Variants in BCR observed in about 807,000 individuals in gnomAD.
BCR encodes BCR activator of RhoGEF and GTPase.
Under a neutral mutation model 138.6 loss-of-function variants are expected in BCR, and 58 were observed. That is an observed-to-expected ratio of 0.42 (90% CI 0.34 to 0.52). BCR has a LOEUF of 0.52. BCR is among the 20% of genes least tolerant of loss of function. BCR has a pLI of 0.06. For missense variants in BCR, 1,599 were observed against 1,727.2 expected, an observed-to-expected ratio of 0.93 and a Z score of 1.32; for synonymous variants, 786 against 730.1, an observed-to-expected ratio of 1.08 and a Z score of -1.23.
intron 1 of BCR, among the ~76,000 whole-genome samples, chr22:23,225,602 T>C (rs1388897418): frequency 6.6e-6 from 1 of 152,200 alleles, no homozygotes; most frequent in African/African-American, 2.4e-5. Context: ...CCAGGGCTTG[T>C]TTCTCACCCT....
At chr22:23,289,827 C>T (rs2073763808) in intron 13 of BCR, 2 of 589,864 alleles carry the variant, frequency 3.4e-6, no homozygotes, top group Non-Finnish European at 3.0e-6. Context: ...GTGGCTGCTG[C>T]TGGGTGGTTG....
At chr22:23,224,073 A>G (rs542695458) in intron 1 of BCR, among the ~76,000 whole-genome samples, 10 of 152,138 alleles carry the variant, frequency 6.6e-5, no homozygotes, top group Non-Finnish European at 1.5e-4. Context: ...TGGTGCTGAA[A>G]TGGCAGAGAC....
chr22:23,313,999 C>T lies in BCR; in HGVS notation c.3489C>T (p.Cys1163=), dbSNP rs1460667406. The stretch of plus-strand genomic sequence containing the variant: ...CAGACCCGGTTGCAAAGGAGAGCTG[C>T]ATGCTCAACCTGCTGCTGTCCCTGC... ...ALSDPVAKES[C]MLNLLLSLPE... is the part of the protein sequence containing the mutation. Residue 1163 remains cysteine, a synonymous_variant, in exon 21 of 23, where the codon TGC becomes TGT. Coordinates refer to ENST00000305877, the MANE Select transcript of BCR (RefSeq NM_004327.4). 2.5e-6 allele frequency: 4 copies of T among 1,614,042 alleles called. No individual in the cohort carries two copies. Among genetic ancestry groups the T allele is most frequent in the Admixed American group, 1.7e-5 (1 of 60,020 alleles).
At chr22:23,287,524 G>A (rs1480506145) in intron 11 of BCR, among the ~76,000 whole-genome samples, 2 of 152,236 alleles carry the variant, frequency 1.3e-5, no homozygotes, top group African/African-American at 2.4e-5. Context: ...TAGGGCAGGG[G>A]AGCCTAGCAG....
intron 1 of BCR, among the ~76,000 whole-genome samples, chr22:23,192,240 A>G (rs1244805494): frequency 6.6e-6 from 1 of 151,502 alleles, no homozygotes; most frequent in African/African-American, 2.5e-5. Context: ...AGGGGGTATG[A>G]GACACTCTGG....
intron 10 of BCR, among the ~76,000 whole-genome samples, chr22:23,285,990 AGT>A (rs1053592578): frequency 2.4e-4 from 37 of 152,282 alleles, no homozygotes; most frequent in African/African-American, 8.7e-4. Context: ...GAGCTGTTCA[AGT>A]GTGTGGTCTC....
At chr22:23,230,878 A>G (rs1211558250) in intron 1 of BCR, among the ~76,000 whole-genome samples, 1 of 152,050 alleles carries the variant, frequency 6.6e-6, no homozygotes, top group East Asian at 1.9e-4. Flanking sequence ...CATCCCACGC[A>G]GTTGTTTTGG....
At chr22:23,214,066 A>G (rs1963110207) in intron 1 of BCR, among the ~76,000 whole-genome samples, 1 of 152,158 alleles carries the variant, frequency 6.6e-6, no homozygotes, top group African/African-American at 2.4e-5. Flanking sequence ...AAAAAAAAGC[A>G]CCTAGCGTGG....
At chr22:23,258,226 C>A (rs2073317397) in intron 2 of BCR, among the ~76,000 whole-genome samples, 1 of 151,952 alleles carries the variant, frequency 6.6e-6, no homozygotes. Context: ...CAAGTGTGCA[C>A]ACACTTAGGA....
At chr22:23,249,012 A>C (rs1377593220) in intron 1 of BCR, among the ~76,000 whole-genome samples, 1 of 152,182 alleles carries the variant, frequency 6.6e-6, no homozygotes. Flanking sequence ...TTGGCTGGGC[A>C]TGGTGGCTCA....
At chr22:23,185,182 G>T (rs2072323442) in intron 1 of BCR, among the ~76,000 whole-genome samples, 3 of 152,192 alleles carry the variant, frequency 2.0e-5, no homozygotes, top group South Asian at 2.1e-4. Flanking sequence ...GCAAGGCTGG[G>T]ATTCTGGGTC....
chr22:23,206,448 G>A, intron 1 of BCR, among the ~76,000 whole-genome samples: 1 of 151,936 alleles, frequency 6.6e-6, no homozygotes, highest in Non-Finnish European at 1.5e-5. Flanking sequence ...GTGGTGGCGG[G>A]CACCTGTAAT....
intron 4 of BCR, chr22:23,264,700 G>A (rs554939418): frequency 6.1e-6 from 1 of 163,330 alleles, no homozygotes; most frequent in South Asian, 1.8e-4. Flanking sequence ...CCTACAGAGT[G>A]AGGTGAGGTT....
At chr22:23,194,310 G>A (rs2072451010) in intron 1 of BCR, among the ~76,000 whole-genome samples, 1 of 152,074 alleles carries the variant, frequency 6.6e-6, no homozygotes, top group Non-Finnish European at 1.5e-5. Context: ...TGGTCTTGAT[G>A]TGAAAACTGT....
intron 1 of BCR, among the ~76,000 whole-genome samples, chr22:23,245,707 C>T (rs5751613): frequency 0.19 from 28,797 of 151,528 alleles, 3,328 homozygotes; most frequent in East Asian, 0.54. Context: ...TATGGCCAGG[C>T]GGTACTGATG....
intron 1 of BCR, among the ~76,000 whole-genome samples, chr22:23,186,007 G>C (rs908242698): frequency 1.8e-3 from 1 of 546 alleles, no homozygotes; most frequent in African/African-American, 9.8e-3. Flanking sequence ...GGGATTACAG[G>C]CGTGAGCCAC....
At chr22:23,211,152 A>G (rs754434085) in intron 1 of BCR, among the ~76,000 whole-genome samples, 1 of 152,156 alleles carries the variant, frequency 6.6e-6, no homozygotes. Context: ...ATGGGATCAC[A>G]TGGTACATAG....
At chr22:23,274,800 C>T (rs990557609) in intron 8 of BCR, among the ~76,000 whole-genome samples, 2 of 149,264 alleles carry the variant, frequency 1.3e-5, no homozygotes, top group African/African-American at 2.5e-5. Flanking sequence ...CCCAGCTACT[C>T]GGGAGGCTGA....
intron 1 of BCR, among the ~76,000 whole-genome samples, chr22:23,204,358 G>A (rs1207982833): frequency 1.3e-5 from 2 of 152,172 alleles, no homozygotes; most frequent in Non-Finnish European, 2.9e-5. Context: ...AAATGATGAA[G>A]CTGAATGGCA....
Sources: gnomAD v4.1 joint callset for allele counts (sites outside exome capture counted in the v4.1 genomes callset) on GRCh38, gnomAD v4.1.1 for gene constraint, MANE v1.5 for transcripts, NCBI Gene and HGNC (gene_info 2026-07-23, HGNC 2026-07-21) for gene names.